The following DERA variants were observed in gnomAD, a reference collection of about 807,000 sequenced individuals.
DERA encodes 2-deoxy-D-ribose 5-phosphate aldolase.
DERA carries 15 observed loss-of-function variants against 41.1 expected under a neutral mutation model. The observed-to-expected ratio is 0.37, with a 90% CI of 0.24 to 0.56. The LOEUF is 0.56. Among genes scored for constraint, DERA ranks in the 20% least tolerant of loss-of-function variants. The probability of loss-of-function intolerance (pLI) is 0.81; values close to 1 mark genes in which losing one functional copy is unlikely to be tolerated. For synonymous variants in DERA, 139 were observed against 137.4 expected (o/e 1.01, Z -0.08); for missense variants, 396 against 403.4 (o/e 0.98, Z 0.16).
In DERA at chr12:15,999,714, T is replaced by G. The variant is rs558063596; in HGVS notation, c.637+17278T>G. Among the ~76,000 whole-genome samples the G allele has an allele frequency of 1.3e-5, 2 of 152,280 alleles. No individual in the cohort carries two copies. The stretch of plus-strand genomic sequence containing the variant: ...TGCTAAGGAATTGAAGTTTCGTGTT[T>G]GGGGGTACAGGAAATTTTTAGCCTG... On this transcript the variant is annotated intron_variant, in intron 6 of 8. Coordinates refer to ENST00000428559, the MANE Select transcript of DERA (RefSeq NM_015954.4). The surrounding 1 kb of genome is among the most constrained non-coding windows in gnomAD (Gnocchi z 5.3).
rs1322741188 is a variant in DERA at position 16,003,083 on chromosome 12, A to T, written c.637+20647A>T. ...TCTGAGATAAGGTGTGAGCAGGGTT[A>T]GTTCCTTCTGAGGGCTATGAGAAAG... On this transcript the variant is annotated intron_variant, in intron 6 of 8. Coordinates refer to ENST00000428559, the MANE Select transcript of DERA (RefSeq NM_015954.4). This position sits in a 1 kb window ranked among gnomAD's most constrained non-coding sequence, Gnocchi z 4.8. Among the ~76,000 whole-genome samples, 1 of 152,162 alleles carries T rather than the reference A, an allele frequency of 6.6e-6. No homozygotes were observed. The highest frequency in any genetic ancestry group is 2.4e-5 in the African/African-American group (1 of 41,448).
rs1012993015 is a variant in DERA at position 15,954,598 on chromosome 12, C to T, written c.32-2338C>T. On this transcript the variant is annotated intron_variant, in intron 1 of 8. Transcript: ENST00000428559. This position sits in a 1 kb window ranked among gnomAD's most constrained non-coding sequence, Gnocchi z 4.0. ...CAGCCTGGCATAATGTGTCAGGGAA[C>T]TGCCAGTAGTTTAGGAAGGCTGCAC... is the stretch of plus-strand genomic sequence containing the variant. Among the ~76,000 whole-genome samples the T allele has an allele frequency of 1.3e-5, 2 of 152,166 alleles. No homozygotes were observed. The highest frequency in any genetic ancestry group is 2.4e-5 in the African/African-American group (1 of 41,444).
At position 15,996,359 on chromosome 12, in the gene DERA, G is replaced by A. The variant is rs189798438; in HGVS notation, c.637+13923G>A. On this transcript the variant is annotated intron_variant, in intron 6 of 8. Coordinates refer to ENST00000428559, the MANE Select transcript of DERA (RefSeq NM_015954.4). This position sits in a 1 kb window ranked among gnomAD's most constrained non-coding sequence, Gnocchi z 4.7. ...TTAAGGTTCTGGAGGCCAGAAGCCCGCAGTCAGGGTGTCAGCAGGCTTATG... is the reference window on the plus strand; with the variant it reads ...TTAAGGTTCTGGAGGCCAGAAGCCCACAGTCAGGGTGTCAGCAGGCTTATG... Among the ~76,000 whole-genome samples, 15 of 152,200 alleles carry A rather than the reference G, an allele frequency of 9.9e-5. No homozygotes were observed. The East Asian group carries it at 2.7e-3, about 27-fold the overall frequency.
Position 16,001,654 on chromosome 12 carries a change from T to C in DERA, c.637+19218T>C, listed in dbSNP as rs1033028147. Among the ~76,000 whole-genome samples the C allele has an allele frequency of 1.4e-4, 21 of 152,264 alleles. No homozygotes were observed. Among genetic ancestry groups the C allele is most frequent in the Middle Eastern group, 6.8e-3 (2 of 294 alleles). On this transcript the variant is annotated intron_variant, in intron 6 of 8. Coordinates refer to ENST00000428559, the MANE Select transcript of DERA (RefSeq NM_015954.4). This position sits in a 1 kb window ranked among gnomAD's most constrained non-coding sequence, Gnocchi z 4.1. ...ATCCTTTAGATAGTAGTAACAGGCT[T>C]AGTAGAGTAGTTGGAATAAAATTAC...
rs930352696 is a variant in DERA at position 15,913,852 on chromosome 12, A to G, written c.31+2438A>G. On this transcript the variant is annotated intron_variant, in intron 1 of 8. Coordinates refer to ENST00000428559, the MANE Select transcript of DERA (RefSeq NM_015954.4). The surrounding 1 kb of genome is among the most constrained non-coding windows in gnomAD (Gnocchi z 4.5). The stretch of plus-strand genomic sequence containing the variant: ...TAACAAATCCTGTGGGTAGTACTGA[A>G]GCATACCCAAGTTTGAGAACCAATG... Among the ~76,000 whole-genome samples the G allele has an allele frequency of 2.0e-5, 3 of 152,202 alleles. No individual in the cohort carries two copies. Among genetic ancestry groups the G allele is most frequent in the African/African-American group, 7.2e-5 (3 of 41,438 alleles).
rs1474629295 is a variant in DERA at position 16,001,203 on chromosome 12, C to T, written c.637+18767C>T. On this transcript the variant is annotated intron_variant, in intron 6 of 8. Coordinates refer to ENST00000428559, the MANE Select transcript of DERA (RefSeq NM_015954.4). This position sits in a 1 kb window ranked among gnomAD's most constrained non-coding sequence, Gnocchi z 4.1. ...CAGTAGGTGCAGCAAACCACCACGG[C>T]ACACGTACACCTATGTAACAAACCT... Among the ~76,000 whole-genome samples, 3 of 152,188 alleles carry T rather than the reference C, an allele frequency of 2.0e-5. No homozygotes were observed. The highest frequency in any genetic ancestry group is 7.2e-5 in the African/African-American group (3 of 41,442).
intron 6 of DERA, among the ~76,000 whole-genome samples, chr12:16,023,231 C>A (rs979506774): frequency 2.0e-5 from 3 of 152,100 alleles, no homozygotes; most frequent in African/African-American, 7.2e-5. Flanking sequence ...TACATAGGCT[C>A]TCTGAAGAGG....
intron 1 of DERA, among the ~76,000 whole-genome samples, chr12:15,948,143 C>T (rs183917426): frequency 6.6e-6 from 1 of 152,242 alleles, no homozygotes; most frequent in African/African-American, 2.4e-5. Context: ...ACATTTTTTC[C>T]TTCATTTCAA....
chr12:15,924,666 A>G lies in DERA; in HGVS notation c.31+13252A>G, dbSNP rs540292346. 5.9e-5 allele frequency among the ~76,000 whole-genome samples: 9 copies of G among 152,326 alleles called. No individual in the cohort carries two copies. The highest frequency in any genetic ancestry group is 2.2e-4 in the African/African-American group (9 of 41,576). On this transcript the variant is annotated intron_variant, in intron 1 of 8. Transcript: ENST00000428559. The surrounding 1 kb of genome is among the most constrained non-coding windows in gnomAD (Gnocchi z 5.0). ...ATTAAGTGAGATATATAATTAAATT[A>G]CCTTTAACTTGATGAGTGATCAATA...
rs553260823 is a variant in DERA at position 15,921,813 on chromosome 12, C to G, written c.31+10399C>G. 1.5e-4 allele frequency among the ~76,000 whole-genome samples: 23 copies of G among 152,130 alleles called. No homozygotes were observed. The highest frequency in any genetic ancestry group is 1.5e-3 in the Admixed American group (23 of 15,274). ...TGGTGGCGAGCGCCTGTAATCCCAGCTACTCGGGAGACTGAGGTAGGAGAA... is the reference window on the plus strand; with the variant it reads ...TGGTGGCGAGCGCCTGTAATCCCAGGTACTCGGGAGACTGAGGTAGGAGAA... On this transcript the variant is annotated intron_variant, in intron 1 of 8. Coordinates refer to ENST00000428559, the MANE Select transcript of DERA (RefSeq NM_015954.4). This position sits in a 1 kb window ranked among gnomAD's most constrained non-coding sequence, Gnocchi z 5.3.
chr12:16,036,168 G>A lies in DERA; in HGVS notation c.751-64G>A, dbSNP rs1949126448. The A allele has an allele frequency of 2.9e-6, 4 of 1,380,076 alleles. No homozygotes were observed. The highest frequency in any genetic ancestry group is 3.8e-6 in the Non-Finnish European group (4 of 1,047,286). The allele number at this position is 1,380,076 out of a possible 1,614,324, so 85.5% of individuals were successfully genotyped here. ...GAGAATCAAGACTCTGATAAACATA[G>A]TACTATTTTTAAAAGAAATCCAATA... On this transcript the variant is annotated intron_variant, in intron 7 of 8. Coordinates refer to ENST00000428559, the MANE Select transcript of DERA (RefSeq NM_015954.4). The surrounding 1 kb of genome is among the most constrained non-coding windows in gnomAD (Gnocchi z 4.9).
At chr12:15,955,905 T>C (rs2136145855) in intron 1 of DERA, among the ~76,000 whole-genome samples, 1 of 152,352 alleles carries the variant, frequency 6.6e-6, no homozygotes, top group South Asian at 2.1e-4. Flanking sequence ...AGTACTCTTT[T>C]AAGGCTCTTT....
intron 1 of DERA, among the ~76,000 whole-genome samples, chr12:15,951,911 C>CT (rs930942576): frequency 2.8e-5 from 4 of 141,484 alleles, no homozygotes; most frequent in African/African-American, 5.2e-5. Context: ...TTTTTTTTTT[C>CT]TTTTTTTTGA....
At position 15,915,421 on chromosome 12, in the gene DERA, A is replaced by G. The variant is rs926000821; in HGVS notation, c.31+4007A>G. Among the ~76,000 whole-genome samples, 1 of 152,166 alleles carries G rather than the reference A, an allele frequency of 6.6e-6. No homozygotes were observed. The highest frequency in any genetic ancestry group is 6.5e-5 in the Admixed American group (1 of 15,278). ...ATGGTGATTTTCCACTGCAAAGTTA[A>G]CGTTTAATTTTTGGAATGGATATTT... is the stretch of plus-strand genomic sequence containing the variant. On this transcript the variant is annotated intron_variant, in intron 1 of 8. Coordinates refer to ENST00000428559, the MANE Select transcript of DERA (RefSeq NM_015954.4). The surrounding 1 kb of genome is among the most constrained non-coding windows in gnomAD (Gnocchi z 4.8).
chr12:15,953,340 A>G (rs1045969874), intron 1 of DERA, among the ~76,000 whole-genome samples: 5 of 152,238 alleles, frequency 3.3e-5, no homozygotes, highest in Non-Finnish European at 5.9e-5. Flanking sequence ...TGCTTTAGGA[A>G]TACTGTGAAA....
chr12:16,012,810 CATTA>C lies in DERA; in HGVS notation c.638-19726_638-19723del. On this transcript the variant is annotated intron_variant, in intron 6 of 8. Coordinates refer to ENST00000428559, the MANE Select transcript of DERA (RefSeq NM_015954.4). The surrounding 1 kb of genome is among the most constrained non-coding windows in gnomAD (Gnocchi z 4.1). The stretch of plus-strand genomic sequence containing the variant: ...TTAATTTAAAAATTTTTAATAACCA[CATTA>C]ATTAAATGAAGAGAAACAGGTGAAA... 6.6e-6 allele frequency among the ~76,000 whole-genome samples: 1 copy of C among 152,158 alleles called. No homozygotes were observed. The highest frequency in any genetic ancestry group is 1.5e-5 in the Non-Finnish European group (1 of 68,008).
At position 15,924,624 on chromosome 12, in the gene DERA, G is replaced by T. The variant is rs1948268840; in HGVS notation, c.31+13210G>T. 6.6e-6 allele frequency among the ~76,000 whole-genome samples: 1 copy of T among 152,124 alleles called. No individual in the cohort carries two copies. The highest frequency in any genetic ancestry group is 1.5e-5 in the Non-Finnish European group (1 of 68,018). On this transcript the variant is annotated intron_variant, in intron 1 of 8. Transcript: ENST00000428559. This position sits in a 1 kb window ranked among gnomAD's most constrained non-coding sequence, Gnocchi z 5.0. ...GTAAAATGGACCTAATGGCTACCTG[G>T]TAGAGTTAGTGAGACTATTAAGTGA...
chr12:15,927,862 A>G (rs1330229471), intron 1 of DERA, among the ~76,000 whole-genome samples: 2 of 152,200 alleles, frequency 1.3e-5, no homozygotes, highest in African/African-American at 4.8e-5. Context: ...ATGAGATTAC[A>G]CGGATGAGAT....
chr12:15,953,050 A>G (rs1021952959), intron 1 of DERA, among the ~76,000 whole-genome samples: 2 of 152,174 alleles, frequency 1.3e-5, no homozygotes, highest in Non-Finnish European at 2.9e-5. Flanking sequence ...CCCACTAGAT[A>G]CAAGTGGCAC....
Sources: gnomAD v4.1 joint callset for allele counts (sites outside exome capture counted in the v4.1 genomes callset) on GRCh38, gnomAD v4.1.1 for gene constraint, Gnocchi (gnomAD v3.1) non-coding constraint, MANE v1.5 for transcripts, NCBI Gene and HGNC (gene_info 2026-07-23, HGNC 2026-07-21) for gene names.